The following SLC24A2 variants were observed in gnomAD, a reference collection of about 807,000 sequenced individuals.
The protein encoded by SLC24A2 is sodium/potassium/calcium exchanger 2.
Under a neutral mutation model 62.0 loss-of-function variants are expected in SLC24A2, and 36 were observed. The ratio of observed to expected loss-of-function variants is 0.58; its 90% CI spans 0.44 to 0.77. The LOEUF (loss-of-function observed/expected upper bound fraction) is 0.77. Ranked by LOEUF, SLC24A2 falls within the 30% of genes least tolerant of loss-of-function variation. The pLI is 0.00. For missense variants in SLC24A2, 846 were observed against 817.9 expected (o/e 1.03, Z -0.42); for synonymous variants, 358 against 294.0 (o/e 1.22, Z -2.23).
intron 2 of SLC24A2, among the ~76,000 whole-genome samples, chr9:19,627,500 G>A (rs1002131621): frequency 2.0e-5 from 3 of 152,128 alleles, no homozygotes; most frequent in Non-Finnish European, 4.4e-5. Context: ...CTACACAATT[G>A]TAATCAGAGT....
chr9:20,069,645 C>G, the SLC24A2 span, among the ~76,000 whole-genome samples: 4 of 152,170 alleles, frequency 2.6e-5, no homozygotes, highest in African/African-American at 7.2e-5. Flanking sequence ...CTTTTATTTT[C>G]GTCACCTATG....
chr9:20,103,448 C>A, the SLC24A2 span, among the ~76,000 whole-genome samples: 7 of 152,324 alleles, frequency 4.6e-5, no homozygotes, highest in South Asian at 2.1e-4. Flanking sequence ...GAGGCACCCC[C>A]CAGCAGGGGC....
chr9:19,904,259 C>A, the SLC24A2 span, among the ~76,000 whole-genome samples: 1 of 152,198 alleles, frequency 6.6e-6, no homozygotes, highest in Non-Finnish European at 1.5e-5. Flanking sequence ...ATTTAAGTTT[C>A]AGAAGCAGTG....
the SLC24A2 span, among the ~76,000 whole-genome samples, chr9:20,212,866 A>G: frequency 6.6e-6 from 1 of 151,780 alleles, no homozygotes; most frequent in African/African-American, 2.4e-5. Flanking sequence ...AATTTTATCA[A>G]TCTCATTGAC....
chr9:20,263,880 G>A, the SLC24A2 span, among the ~76,000 whole-genome samples: 1 of 26,380 alleles, frequency 3.8e-5, no homozygotes, highest in Non-Finnish European at 7.6e-5. Context: ...CCCCCATTAA[G>A]GCTCTAACAC....
chr9:19,618,484 C>A (rs1180810581), intron 4 of SLC24A2, among the ~76,000 whole-genome samples: 1 of 152,156 alleles, frequency 6.6e-6, no homozygotes, highest in Admixed American at 6.5e-5. Flanking sequence ...TGAAACGCCC[C>A]ATGCTCTGCA....
the SLC24A2 span, among the ~76,000 whole-genome samples, chr9:20,285,794 T>C: frequency 4.6e-5 from 7 of 152,282 alleles, no homozygotes; most frequent in East Asian, 1.3e-3. Flanking sequence ...GGTGTCTATA[T>C]AAGAAGGGGA....
At chr9:19,541,370 A>G (rs1397527449) in intron 8 of SLC24A2, among the ~76,000 whole-genome samples, 1 of 151,464 alleles carries the variant, frequency 6.6e-6, no homozygotes, top group Non-Finnish European at 1.5e-5. Context: ...ATGGTGATGT[A>G]CAGATGGGTT....
the SLC24A2 span, among the ~76,000 whole-genome samples, chr9:20,019,103 TAGAAAGAAAGAAAGAAAGAAAGAA>T: frequency 3.2e-3 from 273 of 84,788 alleles, 3 homozygotes; most frequent in South Asian, 5.4e-3. Context: ...GAAAGAAAGA[TAGAAAGAAAGAAAGAAAGAAAGAA>T]AGAAAGAAAG....
At chr9:19,735,313 T>C (rs1821473444) in intron 2 of SLC24A2, among the ~76,000 whole-genome samples, 1 of 151,996 alleles carries the variant, frequency 6.6e-6, no homozygotes, top group Non-Finnish European at 1.5e-5. Flanking sequence ...CGAGATACCA[T>C]CTCACACCAG....
the SLC24A2 span, among the ~76,000 whole-genome samples, chr9:20,034,486 GTC>G: frequency 7.7e-5 from 9 of 117,358 alleles, no homozygotes; most frequent in African/African-American, 3.0e-4. Context: ...TTGAGACGGA[GTC>G]TCTCTCTGTC....
intron 2 of SLC24A2, among the ~76,000 whole-genome samples, chr9:19,666,388 A>G (rs933026365): frequency 1.3e-5 from 2 of 152,208 alleles, no homozygotes; most frequent in Non-Finnish European, 2.9e-5. Context: ...CCTGGGAAAC[A>G]AAGTGAGACA....
the SLC24A2 span, among the ~76,000 whole-genome samples, chr9:19,972,875 A>C: frequency 6.6e-6 from 1 of 152,142 alleles, no homozygotes; most frequent in African/African-American, 2.4e-5. Flanking sequence ...ACTCAAACTC[A>C]AGTCTTAATC....
intron 9 of SLC24A2, among the ~76,000 whole-genome samples, chr9:19,526,676 C>T (rs4977547): frequency 0.33 from 49,881 of 151,994 alleles, 8,958 homozygotes; most frequent in East Asian, 0.55. Context: ...TTCAGATCTT[C>T]AAAATTAGGA....
chr9:19,653,733 A>G (rs1388119484), intron 2 of SLC24A2, among the ~76,000 whole-genome samples: 2 of 152,148 alleles, frequency 1.3e-5, no homozygotes, highest in East Asian at 1.9e-4. Flanking sequence ...AATGCCTGGC[A>G]TATAGTAGTT....
the SLC24A2 span, among the ~76,000 whole-genome samples, chr9:20,298,625 A>G: frequency 3.3e-5 from 5 of 152,390 alleles, no homozygotes; most frequent in Admixed American, 3.3e-4. Context: ...TCAAATCATC[A>G]TGTTTCCAAT....
chr9:20,099,643 C>T, the SLC24A2 span, among the ~76,000 whole-genome samples: 8 of 152,304 alleles, frequency 5.3e-5, no homozygotes, highest in African/African-American at 1.9e-4. Flanking sequence ...CAGGCTCCTT[C>T]CAGGGGATGA....
chr9:20,104,341 A>G, the SLC24A2 span, among the ~76,000 whole-genome samples: 1 of 152,220 alleles, frequency 6.6e-6, no homozygotes, highest in African/African-American at 2.4e-5. Flanking sequence ...TTCAGGAAAT[A>G]CAGAGAACGC....
chr9:20,051,634 T>C, the SLC24A2 span, among the ~76,000 whole-genome samples: 1 of 149,384 alleles, frequency 6.7e-6, no homozygotes, highest in Non-Finnish European at 1.5e-5. Flanking sequence ...TGTTACTGTG[T>C]TTCTGTGAGG....
Sources: gnomAD v4.1 joint callset for allele counts (sites outside exome capture counted in the v4.1 genomes callset) on GRCh38, gnomAD v4.1.1 for gene constraint, MANE v1.5 for transcripts, NCBI Gene and HGNC (gene_info 2026-07-23, HGNC 2026-07-21) for gene names.